ZFPM2: variants seen among roughly 807,000 people sequenced by gnomAD.
ZFPM2 encodes the protein zinc finger protein, FOG family member 2, also known as zinc finger protein ZFPM2.
Under a neutral mutation model 98.6 loss-of-function variants are expected in ZFPM2, and 20 were observed. The observed-to-expected ratio is 0.20, with a 90% confidence interval of 0.14 to 0.29. ZFPM2 has a LOEUF of 0.29. Among genes scored for constraint, ZFPM2 ranks in the 10% least tolerant of loss-of-function variants. The probability of loss-of-function intolerance (pLI) is 1.00; values close to 1 mark genes in which losing one functional copy is unlikely to be tolerated. For missense variants in ZFPM2, 1,310 were observed against 1,388.6 expected (o/e 0.94, Z 0.90); for synonymous variants, 518 against 502.7 (o/e 1.03, Z -0.41).
At chr8:105,340,841 G>A (rs1214757522) in intron 1 of ZFPM2, among the ~76,000 whole-genome samples, 2 of 151,904 alleles carry the variant, frequency 1.3e-5, no homozygotes, top group Non-Finnish European at 1.5e-5. Context: ...TTTCAGATTG[G>A]CATAAGTATA....
chr8:105,671,438 GT>G (rs1274092154), intron 5 of ZFPM2, among the ~76,000 whole-genome samples: 3 of 151,050 alleles, frequency 2.0e-5, no homozygotes, highest in Admixed American at 6.6e-5. Context: ...ACAACATCTC[GT>G]GTTGTTTTAA....
chr8:105,692,412 A>T (rs1182363938), intron 5 of ZFPM2, among the ~76,000 whole-genome samples: 1 of 152,190 alleles, frequency 6.6e-6, no homozygotes, highest in African/African-American at 2.4e-5. Flanking sequence ...TTGCTTATGG[A>T]TGTGCAAATA....
chr8:105,404,042 A>AG (rs1563643042), intron 1 of ZFPM2, among the ~76,000 whole-genome samples: 2 of 138,156 alleles, frequency 1.4e-5, no homozygotes, highest in Admixed American at 1.5e-4. Context: ...AACAACAACA[A>AG]CAGCAGCATA....
intron 1 of ZFPM2, among the ~76,000 whole-genome samples, chr8:105,322,905 T>G (rs1002908203): frequency 1.3e-5 from 2 of 152,114 alleles, no homozygotes; most frequent in African/African-American, 4.8e-5. Flanking sequence ...TACGAATTCC[T>G]AACTTGCGCA....
intron 1 of ZFPM2, among the ~76,000 whole-genome samples, chr8:105,377,647 G>A (rs1228196296): frequency 6.8e-6 from 1 of 147,694 alleles, no homozygotes; most frequent in African/African-American, 2.5e-5. Context: ...AGATGTAGTG[G>A]TGCACATCTG....
chr8:105,406,839 T>C (rs1811469368), intron 1 of ZFPM2, among the ~76,000 whole-genome samples: 1 of 151,968 alleles, frequency 6.6e-6, no homozygotes, highest in African/African-American at 2.4e-5. Context: ...GATAAAGTAG[T>C]GAATGGCAGA....
intron 4 of ZFPM2, among the ~76,000 whole-genome samples, chr8:105,632,230 C>T (rs1323181180): frequency 6.6e-6 from 1 of 152,098 alleles, no homozygotes; most frequent in Non-Finnish European, 1.5e-5. Flanking sequence ...GGTACAGTAG[C>T]ACGATCTTGG....
rs1489655673 is a variant in ZFPM2, at chr8:105,318,959, A to G, written c.18A>G (p.Gln6=). 1.6e-5 allele frequency: 24 copies of G among 1,474,244 alleles called. No individual in the cohort carries two copies. Among genetic ancestry groups the G allele is most frequent in the Non-Finnish European group, 2.2e-5 (24 of 1,103,560 alleles). The allele number at this position is 1,474,244 out of a possible 1,614,324, so 91.3% of individuals were successfully genotyped here. Residue 6 remains glutamine (Q), a synonymous_variant, in exon 1 of 8, where the codon CAA becomes CAG. Coordinates refer to ENST00000407775, the MANE Select transcript of ZFPM2 (RefSeq NM_012082.4). ...CCGCCGAGATGTCCCGGCGAAAGCA[A>G]AGCAAACCCCGGCAGATCAAACGTA... MSRRK[Q]SKPRQIKRPL...
At chr8:105,778,355 T>C (rs1467497205) in intron 5 of ZFPM2, among the ~76,000 whole-genome samples, 3 of 150,118 alleles carry the variant, frequency 2.0e-5, no homozygotes, top group Non-Finnish European at 4.4e-5. Flanking sequence ...GAGGGAGGTA[T>C]CATGTGAGAT....
chr8:105,572,262 C>T (rs1263348176), intron 4 of ZFPM2, among the ~76,000 whole-genome samples: 1 of 152,082 alleles, frequency 6.6e-6, no homozygotes, highest in Non-Finnish European at 1.5e-5. Context: ...TGGTCTCGAT[C>T]TCCTGACCTT....
At chr8:105,525,411 G>A (rs569017646) in intron 3 of ZFPM2, among the ~76,000 whole-genome samples, 8 of 152,286 alleles carry the variant, frequency 5.3e-5, no homozygotes, top group Non-Finnish European at 1.0e-4. Context: ...GGGCTATTCC[G>A]TGCCAGTCAC....
chr8:105,687,080 A>C (rs1810755064), intron 5 of ZFPM2, among the ~76,000 whole-genome samples: 1 of 152,144 alleles, frequency 6.6e-6, no homozygotes, highest in African/African-American at 2.4e-5. Flanking sequence ...ACTGCAGGTC[A>C]CATGCTTCTC....
intron 2 of ZFPM2, among the ~76,000 whole-genome samples, chr8:105,433,109 A>T (rs1812051554): frequency 6.6e-6 from 1 of 152,152 alleles, no homozygotes; most frequent in East Asian, 1.9e-4. Context: ...AAAAAATAGA[A>T]TTCCTTGAAT....
At chr8:105,395,504 C>G (rs769601139) in intron 1 of ZFPM2, among the ~76,000 whole-genome samples, 2 of 152,156 alleles carry the variant, frequency 1.3e-5, no homozygotes, top group African/African-American at 2.4e-5. Context: ...TCTGAAGGCT[C>G]TGGAACTCTA....
chr8:105,371,177 C>G (rs1228378646), intron 1 of ZFPM2, among the ~76,000 whole-genome samples: 1 of 152,088 alleles, frequency 6.6e-6, no homozygotes, highest in Non-Finnish European at 1.5e-5. Flanking sequence ...TGTGTGTGAA[C>G]CCATATCCAC....
chr8:105,455,326 G>T (rs927253051), intron 3 of ZFPM2, among the ~76,000 whole-genome samples: 1 of 152,150 alleles, frequency 6.6e-6, no homozygotes, highest in African/African-American at 2.4e-5. Flanking sequence ...TGGACAGAAC[G>T]TGGGAGGGGG....
At chr8:105,504,114 T>G (rs1363629847) in intron 3 of ZFPM2, among the ~76,000 whole-genome samples, 1 of 152,144 alleles carries the variant, frequency 6.6e-6, no homozygotes, top group Non-Finnish European at 1.5e-5. Context: ...AAGGGAGTGG[T>G]TCTTAAACAT....
In ZFPM2 at chr8:105,561,433, A is replaced by C; in HGVS notation, c.372A>C (p.Thr124=). 6.2e-7 allele frequency: 1 copy of C among 1,613,508 alleles called. No individual in the cohort carries two copies. Among genetic ancestry groups the C allele is most frequent in the Non-Finnish European group, 8.5e-7 (1 of 1,179,622 alleles). ...IQSRQQLPVG[T]TWGPFPGKMD... ...GTCGACAGCAACTTCCAGTGGGAAC[A>C]ACCTGGGGGCCGTTTCCTGGGAAGA... The change falls in exon 4 of 8, where the codon ACA becomes ACC. Residue 124 remains threonine (T), a synonymous_variant. Coordinates refer to ENST00000407775, the MANE Select transcript of ZFPM2 (RefSeq NM_012082.4).
intron 5 of ZFPM2, among the ~76,000 whole-genome samples, chr8:105,698,671 T>G (rs543368801): frequency 6.6e-6 from 1 of 152,156 alleles, no homozygotes; most frequent in East Asian, 1.9e-4. Flanking sequence ...TATACAGAAA[T>G]TAAAACAAAA....
Sources: allele counts gnomAD v4.1 joint callset (sites outside exome capture counted in the v4.1 genomes callset), GRCh38; gene constraint gnomAD v4.1.1; transcripts MANE v1.5; gene names NCBI Gene and HGNC (gene_info 2026-07-23, HGNC 2026-07-21).